Variants in PPFIA2 observed in about 807,000 individuals in gnomAD.
PPFIA2 encodes the protein PPFI scaffold protein A2.
A neutral mutation model predicts 175.5 loss-of-function variants in PPFIA2; 46 were observed. The ratio of observed to expected loss-of-function variants is 0.26; its 90% CI spans 0.21 to 0.34. PPFIA2 has a LOEUF of 0.34. Ranked by LOEUF, PPFIA2 falls within the 10% of genes least tolerant of loss-of-function variation. PPFIA2 has a pLI of 1.00. For synonymous variants in PPFIA2, 568 were observed against 511.4 expected (o/e 1.11, Z -1.49); for missense variants, 1,179 against 1,506.1 (o/e 0.78, Z 3.60).
intron 3 of PPFIA2, among the ~76,000 whole-genome samples, chr12:81,691,550 T>C (rs1431106122): frequency 2.0e-5 from 3 of 152,146 alleles, no homozygotes; most frequent in African/African-American, 7.2e-5. Flanking sequence ...TAACACCTTA[T>C]TGGAATTAGT....
chr12:81,309,466 G>A (rs1388586335), intron 22 of PPFIA2, among the ~76,000 whole-genome samples: 1 of 152,052 alleles, frequency 6.6e-6, no homozygotes, highest in Admixed American at 6.6e-5. Flanking sequence ...AAAATTAAGA[G>A]TTTCAAATTC....
chr12:81,735,399 A>G (rs67775353), intron 3 of PPFIA2, among the ~76,000 whole-genome samples: 23,957 of 151,776 alleles, frequency 0.16, 1,972 homozygotes, highest in Middle Eastern at 0.24. Context: ...ACCATCACTG[A>G]TGAAATGTCT....
Position 81,719,797 on chromosome 12 carries a change from C to T in PPFIA2, c.249+34176G>A, listed in dbSNP as rs75802520. Among the ~76,000 whole-genome samples the T allele has an allele frequency of 6.6e-5, 10 of 151,366 alleles. No individual in the cohort carries two copies. The East Asian group carries it at 1.9e-3, about 29-fold the overall frequency. On this transcript the variant is annotated intron_variant, in intron 3 of 32. Coordinates refer to ENST00000549396, the MANE Select transcript of PPFIA2 (RefSeq NM_003625.5). ...CATTTCAAAATGTGTTGTTTAAGTT[C>T]ACTGACCTTAAAAAAGCAACATATT...
intron 3 of PPFIA2, among the ~76,000 whole-genome samples, chr12:81,713,494 T>C (rs1234538481): frequency 6.6e-6 from 1 of 151,296 alleles, no homozygotes; most frequent in East Asian, 2.0e-4. Flanking sequence ...AATGCTTTAG[T>C]ACCTTTAATT....
Position 81,258,884 on chromosome 12 carries a change from A to T in PPFIA2, c.*810T>A, listed in dbSNP as rs1656510318. ...TATCTTTTTTTTTTTCTTGGTCCACAGGTAACAAGAGAAGATTATGGTTTT... is the reference window on the plus strand; with the variant it reads ...TATCTTTTTTTTTTTCTTGGTCCACTGGTAACAAGAGAAGATTATGGTTTT... On this transcript the variant is annotated 3_prime_UTR_variant, in exon 33 of 33. Transcript: ENST00000549396. 6.6e-6 allele frequency: 1 copy of T among 151,750 alleles called. No homozygotes were observed. The highest frequency in any genetic ancestry group is 1.5e-5 in the Non-Finnish European group (1 of 68,000). 9.4% of individuals were successfully genotyped at this position (151,750 alleles called of 1,614,324 possible).
chr12:81,369,448 G>A, intron 11 of PPFIA2: 7 of 1,307,372 alleles, frequency 5.4e-6, no homozygotes, highest in Non-Finnish European at 6.9e-6. Flanking sequence ...GTAACATGCA[G>A]ACTGTGCATG....
At chr12:81,491,814 T>A (rs2059447087) in intron 4 of PPFIA2, among the ~76,000 whole-genome samples, 1 of 152,136 alleles carries the variant, frequency 6.6e-6, no homozygotes, top group South Asian at 2.1e-4. Context: ...AGTCTTTACC[T>A]ATAGCCCTAA....
intron 2 of PPFIA2, among the ~76,000 whole-genome samples, chr12:81,755,212 A>G (rs950236748): frequency 2.6e-5 from 4 of 152,216 alleles, no homozygotes; most frequent in South Asian, 4.1e-4. Flanking sequence ...AATAGACAAA[A>G]CACACTTAGG....
chr12:81,337,313 A>G (rs547449910), intron 21 of PPFIA2, among the ~76,000 whole-genome samples: 4 of 152,238 alleles, frequency 2.6e-5, no homozygotes, highest in Admixed American at 1.3e-4. Context: ...CTGCTGTTCT[A>G]TGAAATAAAG....
At chr12:81,452,829 G>C (rs1411668726) in intron 5 of PPFIA2, among the ~76,000 whole-genome samples, 1 of 152,082 alleles carries the variant, frequency 6.6e-6, no homozygotes, top group East Asian at 1.9e-4. Flanking sequence ...ACAAAAGTGA[G>C]GGCATGGTAA....
chr12:81,312,908 G>A (rs779871273), intron 22 of PPFIA2, among the ~76,000 whole-genome samples: 2 of 151,940 alleles, frequency 1.3e-5, no homozygotes, highest in African/African-American at 4.8e-5. Context: ...CTCTTCTTCG[G>A]TGGCCATATT....
In PPFIA2 at chr12:81,586,440, A is replaced by C. The variant is rs148898646; in HGVS notation, c.303+90351T>G. Among the ~76,000 whole-genome samples, 18 of 152,022 alleles carry C rather than the reference A, an allele frequency of 1.2e-4. 1 individual carries two copies. Among genetic ancestry groups the C allele is most frequent in the African/African-American group, 4.3e-4 (18 of 41,546 alleles). On this transcript the variant is annotated intron_variant, in intron 4 of 32. Transcript: ENST00000549396. ...TTACATGTTGTATGCAGCACTTAGC[A>C]TACAAAGTCAGCTATTCTCTTTTAA...
At chr12:81,712,572 G>A (rs1245940593) in intron 3 of PPFIA2, among the ~76,000 whole-genome samples, 1 of 151,132 alleles carries the variant, frequency 6.6e-6, no homozygotes, top group African/African-American at 2.4e-5. Context: ...TGTATAGGTT[G>A]CATTTTAGAA....
intron 4 of PPFIA2, among the ~76,000 whole-genome samples, chr12:81,562,084 T>C (rs1415622816): frequency 6.6e-6 from 1 of 152,208 alleles, no homozygotes; most frequent in African/African-American, 2.4e-5. Context: ...TAAAGTTTTG[T>C]TGTCTCTTAA....
intron 4 of PPFIA2, among the ~76,000 whole-genome samples, chr12:81,535,958 C>T (rs946466984): frequency 6.6e-6 from 1 of 151,542 alleles, no homozygotes; most frequent in Admixed American, 6.6e-5. Context: ...ATTAGCAAAC[C>T]GTGCTATTAG....
intron 7 of PPFIA2, among the ~76,000 whole-genome samples, chr12:81,421,035 A>T (rs1282485072): frequency 6.6e-6 from 1 of 152,156 alleles, no homozygotes; most frequent in Non-Finnish European, 1.5e-5. Context: ...CTGAAAGAAA[A>T]TAACTGTCTA....
In PPFIA2 at chr12:81,361,825, T is replaced by C. The variant is rs145006025; in HGVS notation, c.1637+868A>G. ...AAGATGAACTTCTACTAAAAGCCTA[T>C]GGTAGTGGAAAGTTTCAAACGGCTG... On this transcript the variant is annotated intron_variant, in intron 15 of 32. Coordinates refer to ENST00000549396, the MANE Select transcript of PPFIA2 (RefSeq NM_003625.5). Among the ~76,000 whole-genome samples the C allele has an allele frequency of 2.4e-3, 359 of 151,690 alleles. 4 individuals carry two copies. The highest frequency in any genetic ancestry group is 8.0e-3 in the African/African-American group (332 of 41,496).
intron 4 of PPFIA2, among the ~76,000 whole-genome samples, chr12:81,493,262 C>T (rs2059612193): frequency 6.6e-6 from 1 of 152,016 alleles, no homozygotes; most frequent in Admixed American, 6.6e-5. Context: ...TAAAAAGGTA[C>T]TTAAATCTCT....
At chr12:81,373,105 C>T (rs2035571372) in intron 11 of PPFIA2, among the ~76,000 whole-genome samples, 1 of 151,594 alleles carries the variant, frequency 6.6e-6, no homozygotes, top group Non-Finnish European at 1.5e-5. Context: ...TATTCTCAGT[C>T]TATCAAAGGT....
Sources: gnomAD v4.1 joint callset for allele counts (sites outside exome capture counted in the v4.1 genomes callset) on GRCh38, gnomAD v4.1.1 for gene constraint, MANE v1.5 for transcripts, NCBI Gene and HGNC (gene_info 2026-07-23, HGNC 2026-07-21) for gene names.